The following FERMT2 variants were observed in gnomAD, a reference collection of about 807,000 sequenced individuals.
FERMT2 encodes fermitin family homolog 2.
In FERMT2, 15 loss-of-function variants were observed where a neutral mutation model predicts 82.7. That is an observed-to-expected ratio of 0.18 (90% CI 0.12 to 0.28). The LOEUF (loss-of-function observed/expected upper bound fraction) is 0.28. FERMT2 is among the 10% of genes least tolerant of loss of function. The pLI is 1.00. For synonymous variants in FERMT2, 274 were observed against 271.5 expected, an observed-to-expected ratio of 1.01 and a Z score of -0.09; for missense variants, 645 against 809.4, an observed-to-expected ratio of 0.80 and a Z score of 2.46.
In FERMT2 at chr14:52,912,331, C is replaced by A. The variant is rs17125882; in HGVS notation, c.391+6792G>T. ...CAAATAAAATTACCACTCATTAAGA[C>A]CCTCTCTTTTCTGCAGGAAAGACTT... is the stretch of plus-strand genomic sequence containing the variant. On this transcript the variant is annotated intron_variant, in intron 3 of 14. Transcript: ENST00000341590. Among the ~76,000 whole-genome samples, 762 of 152,160 alleles carry A rather than the reference C, an allele frequency of 5.0e-3. 6 individuals are homozygous for A. The highest frequency in any genetic ancestry group is 0.049 in the East Asian group (256 of 5,186).
intron 12 of FERMT2, chr14:52,860,736 A>G: frequency 1.8e-6 from 1 of 561,730 alleles, no homozygotes; most frequent in Non-Finnish European, 3.1e-6. Flanking sequence ...TTCCAAATGC[A>G]TACACCTAAC....
intron 8 of FERMT2, 68 bp from the exon 9 acceptor site, chr14:52,874,294 G>A (rs921819844): frequency 1.1e-6 from 1 of 938,942 alleles, no homozygotes; most frequent in Non-Finnish European, 1.6e-6. Context: ...TTTGGTATCT[G>A]ATATCAAGAA....
At chr14:52,922,730 G>A (rs373968295) in intron 2 of FERMT2, among the ~76,000 whole-genome samples, 32 of 152,292 alleles carry the variant, frequency 2.1e-4, no homozygotes, top group African/African-American at 7.0e-4. Context: ...TCAAGAACTC[G>A]ACTTTCCAAG....
intron 4 of FERMT2, among the ~76,000 whole-genome samples, chr14:52,891,477 A>C (rs193052899): frequency 6.6e-6 from 1 of 152,162 alleles, no homozygotes; most frequent in Admixed American, 6.5e-5. Context: ...GAAAAGTTAG[A>C]AGGCTTGTGA....
At chr14:52,863,840 G>A (rs756924513) in intron 12 of FERMT2, among the ~76,000 whole-genome samples, 1 of 151,942 alleles carries the variant, frequency 6.6e-6, no homozygotes, top group African/African-American at 2.4e-5. Flanking sequence ...AATTATATAT[G>A]GAATAAAATT....
intron 2 of FERMT2, among the ~76,000 whole-genome samples, chr14:52,923,699 C>G (rs1040023353): frequency 1.3e-5 from 2 of 151,292 alleles, no homozygotes; most frequent in African/African-American, 4.9e-5. Flanking sequence ...GTCCGTTTAC[C>G]CACAGAAAAA....
intron 2 of FERMT2, among the ~76,000 whole-genome samples, chr14:52,930,457 A>T (rs1224354587): frequency 1.3e-5 from 2 of 152,238 alleles, no homozygotes; most frequent in Non-Finnish European, 2.9e-5. Flanking sequence ...AGCCTTTTGC[A>T]GAATGTTTCA....
chr14:52,925,203 T>C (rs1360259705), intron 2 of FERMT2, among the ~76,000 whole-genome samples: 1 of 152,154 alleles, frequency 6.6e-6, no homozygotes, highest in African/African-American at 2.4e-5. Context: ...AAAATGATGG[T>C]ACACCAACTG....
At chr14:52,861,618 G>A (rs1369658567) in intron 12 of FERMT2, 1 of 152,548 alleles carries the variant, frequency 6.6e-6, no homozygotes, top group Non-Finnish European at 1.5e-5. Flanking sequence ...TTCCTGGAAG[G>A]GAAAACAAAG....
chr14:52,949,545 G>GT (rs1379668800), intron 2 of FERMT2, among the ~76,000 whole-genome samples: 2 of 151,870 alleles, frequency 1.3e-5, no homozygotes, highest in African/African-American at 4.8e-5. Context: ...CAGGAAGATA[G>GT]TTCTCTGAGC....
intron 3 of FERMT2, 83 bp downstream of exon 3, chr14:52,919,028 GCCCATGCCCCAT>G: frequency 1.3e-6 from 1 of 797,320 alleles, no homozygotes; most frequent in Non-Finnish European, 2.1e-6. Context: ...AGATAGTTCA[GCCCATGCCCCAT>G]CCCTTGGGAT....
chr14:52,885,568 T>C (rs974736713), intron 4 of FERMT2, among the ~76,000 whole-genome samples: 1 of 151,936 alleles, frequency 6.6e-6, no homozygotes, highest in Admixed American at 6.6e-5. Context: ...AGCAACAAAA[T>C]ATGAGCTTAC....
At position 52,881,358 on chromosome 14, in the gene FERMT2, A is replaced by G. The variant is rs1336994898; in HGVS notation, c.638T>C (p.Leu213Ser). 7 of 1,613,958 alleles carry G rather than the reference A, an allele frequency of 4.3e-6. No individual in the cohort carries two copies. The highest frequency in any genetic ancestry group is 5.9e-6 in the Non-Finnish European group (7 of 1,180,022). ...PTSAWFGDSA[L>S]SEGNPGILAV... ...AAGTATACCAGGATTGCCTTCTGACAAAGCACTGTCACCAAACCAAGCAGA... is the reference window on the plus strand; with the variant it reads ...AAGTATACCAGGATTGCCTTCTGACGAAGCACTGTCACCAAACCAAGCAGA... Residue 213 changes from leucine to serine, a missense_variant, in exon 5 of 15, where the codon TTG (leucine) becomes TCG (serine). Coordinates refer to ENST00000341590, the MANE Select transcript of FERMT2 (RefSeq NM_006832.3).
Position 52,859,684 on chromosome 14 carries a change from A to G in FERMT2, c.1758T>C (p.Ile586=). The change falls in exon 14 of 15, where the codon ATT becomes ATC. Residue 586 remains isoleucine (I), a synonymous_variant. Transcript: ENST00000341590. ...RFQGGKKEEL[I]GIAYNRLIRM... ...GAATCAGTCTGTTGTATGCAATTCCAATAAGTTCTTCTTTTTTGCCCCCTT... is the reference window on the plus strand; with the variant it reads ...GAATCAGTCTGTTGTATGCAATTCCGATAAGTTCTTCTTTTTTGCCCCCTT... The G allele has an allele frequency of 6.2e-7, 1 of 1,600,902 alleles. No individual in the cohort carries two copies. The highest frequency in any genetic ancestry group is 2.2e-5 in the East Asian group (1 of 44,472).
Position 52,909,674 on chromosome 14 carries a change from G to T in FERMT2, c.391+9449C>A, listed in dbSNP as rs182064254. On this transcript the variant is annotated intron_variant, in intron 3 of 14. Transcript: ENST00000341590. ...GTGGTGGCGGGCACATGTAATCCCA[G>T]CTACTCAGGAGGCTGTGGCAGGAGA... Among the ~76,000 whole-genome samples, 130 of 152,244 alleles carry T rather than the reference G, an allele frequency of 8.5e-4. 1 individual carries two copies. Among genetic ancestry groups the T allele is most frequent in the African/African-American group, 3.0e-3 (126 of 41,540 alleles).
chr14:52,946,166 T>A (rs1279255278), intron 2 of FERMT2, among the ~76,000 whole-genome samples: 1 of 152,168 alleles, frequency 6.6e-6, no homozygotes, highest in Admixed American at 6.6e-5. Flanking sequence ...TGAGCCACCG[T>A]GCCCAGCCAA....
At chr14:52,889,740 C>G (rs1886822327) in intron 4 of FERMT2, among the ~76,000 whole-genome samples, 1 of 152,196 alleles carries the variant, frequency 6.6e-6, no homozygotes, top group Non-Finnish European at 1.5e-5. Context: ...CAAACCTGTA[C>G]AGCATGTTAC....
At chr14:52,930,858 A>G (rs1445895531) in intron 2 of FERMT2, among the ~76,000 whole-genome samples, 1 of 152,178 alleles carries the variant, frequency 6.6e-6, no homozygotes, top group Non-Finnish European at 1.5e-5. Context: ...GATGTTTATA[A>G]TATTATCCTT....
intron 3 of FERMT2, among the ~76,000 whole-genome samples, chr14:52,908,147 G>A (rs545687762): frequency 5.4e-4 from 82 of 152,144 alleles, no homozygotes; most frequent in Non-Finnish European, 3.1e-4. Flanking sequence ...CAAGGAGATA[G>A]GCTCTCACAC....
Sources: allele counts gnomAD v4.1 joint callset (sites outside exome capture counted in the v4.1 genomes callset), GRCh38; gene constraint gnomAD v4.1.1; transcripts MANE v1.5; gene names NCBI Gene and HGNC (gene_info 2026-07-23, HGNC 2026-07-21).